TACR1: variants seen among roughly 807,000 people sequenced by gnomAD.
TACR1 encodes the protein substance-P receptor.
A neutral mutation model predicts 35.8 loss-of-function variants in TACR1; 25 were observed. The observed-to-expected ratio is 0.70, with a 90% CI of 0.51 to 0.98. The LOEUF (loss-of-function observed/expected upper bound fraction) is 0.98, where lower values mean the gene tolerates loss of function less well. Ranked by LOEUF, TACR1 falls within the 50% of genes least tolerant of loss-of-function variation. The pLI, the probability that TACR1 is intolerant of heterozygous loss-of-function variation, is 0.00. For synonymous variants in TACR1, 195 were observed against 206.7 expected (o/e 0.94, Z 0.48); for missense variants, 478 against 522.9 (o/e 0.91, Z 0.84).
At chr2:75,090,402 C>T (rs79040264) in intron 2 of TACR1, among the ~76,000 whole-genome samples, 2,011 of 152,284 alleles carry the variant, frequency 0.013, 49 homozygotes, top group African/African-American at 0.046. Context: ...AACATCAACA[C>T]GGACTTTAAA....
chr2:75,097,927 G>A (rs1382438884), intron 2 of TACR1, among the ~76,000 whole-genome samples: 2 of 152,112 alleles, frequency 1.3e-5, no homozygotes, highest in African/African-American at 4.8e-5. Context: ...AGCATTCTGT[G>A]GTGTCAATAC....
chr2:75,124,414 C>G (rs959367983), intron 1 of TACR1, among the ~76,000 whole-genome samples: 1 of 152,184 alleles, frequency 6.6e-6, no homozygotes, highest in Non-Finnish European at 1.5e-5. Context: ...TGGGGCCCTT[C>G]TTCCACAGTC....
chr2:75,165,479 T>A (rs888232522), intron 1 of TACR1, among the ~76,000 whole-genome samples: 1 of 152,088 alleles, frequency 6.6e-6, no homozygotes, highest in Non-Finnish European at 1.5e-5. Flanking sequence ...CAGCTAATTT[T>A]TTGTATTTTT....
chr2:75,058,998 C>T (rs1672621344), intron 2 of TACR1, among the ~76,000 whole-genome samples: 1 of 152,174 alleles, frequency 6.6e-6, no homozygotes, highest in Non-Finnish European at 1.5e-5. Flanking sequence ...AAGAAGGCAG[C>T]CAAGAGGGCA....
At chr2:75,052,305 C>T (rs1445632432) in intron 3 of TACR1, among the ~76,000 whole-genome samples, 1 of 152,314 alleles carries the variant, frequency 6.6e-6, no homozygotes, top group Non-Finnish European at 1.5e-5. Context: ...AACCAGGAAG[C>T]AGGCCCTCCT....
At chr2:75,071,402 G>T (rs1672875845) in intron 2 of TACR1, among the ~76,000 whole-genome samples, 1 of 152,212 alleles carries the variant, frequency 6.6e-6, no homozygotes, top group South Asian at 2.1e-4. Flanking sequence ...TCCATCTTGT[G>T]CTGCTGGGAG....
chr2:75,183,313 A>T (rs1675603770), intron 1 of TACR1, among the ~76,000 whole-genome samples: 3 of 152,282 alleles, frequency 2.0e-5, no homozygotes, highest in Admixed American at 2.0e-4. Flanking sequence ...ATGGGAAGGG[A>T]GGGCCTCGAA....
At chr2:75,088,480 C>G (rs1239099032) in intron 2 of TACR1, among the ~76,000 whole-genome samples, 1 of 152,172 alleles carries the variant, frequency 6.6e-6, no homozygotes, top group Admixed American at 6.5e-5. Flanking sequence ...GTGCTTACTA[C>G]TTGGTTTTAA....
chr2:75,119,872 C>T (rs539613579), intron 2 of TACR1, among the ~76,000 whole-genome samples: 1 of 152,260 alleles, frequency 6.6e-6, no homozygotes, highest in East Asian at 1.9e-4. Context: ...GGAGAAGAAA[C>T]ACCAGTAGGA....
intron 1 of TACR1, among the ~76,000 whole-genome samples, chr2:75,128,278 CCTT>C (rs1269455436): frequency 2.0e-5 from 3 of 152,188 alleles, no homozygotes; most frequent in African/African-American, 7.2e-5. Context: ...ACAGTGAACT[CCTT>C]AATGCTATTT....
chr2:75,168,342 G>A (rs1015989270), intron 1 of TACR1, among the ~76,000 whole-genome samples: 1 of 152,144 alleles, frequency 6.6e-6, no homozygotes, highest in South Asian at 2.1e-4. Context: ...TAAGGGCCTC[G>A]AGATAAGGAG....
chr2:75,193,026 T>C (rs186785840), intron 1 of TACR1, among the ~76,000 whole-genome samples: 1 of 152,120 alleles, frequency 6.6e-6, no homozygotes, highest in African/African-American at 2.4e-5. Context: ...CTCCTCTTCT[T>C]TCTCTTCATT....
chr2:75,053,876 A>G (rs1558537336), intron 2 of TACR1, 121 bp from the exon 3 acceptor site: 1 of 1,372,784 alleles, frequency 7.3e-7, no homozygotes, highest in Non-Finnish European at 1.0e-6. Flanking sequence ...TGCCATTAAT[A>G]AGCTTGGGCT....
intron 2 of TACR1, among the ~76,000 whole-genome samples, chr2:75,080,803 ATTG>A (rs762914559): frequency 6.6e-6 from 1 of 152,174 alleles, no homozygotes; most frequent in Non-Finnish European, 1.5e-5. Context: ...CCCAAATATT[ATTG>A]TTGTTGATGT....
At chr2:75,092,163 G>A (rs1673324906) in intron 2 of TACR1, among the ~76,000 whole-genome samples, 1 of 152,176 alleles carries the variant, frequency 6.6e-6, no homozygotes, top group Non-Finnish European at 1.5e-5. Context: ...ACGTAAGAGA[G>A]GGTTTATATC....
At chr2:75,194,416 GAATTT>G (rs1389291252) in intron 1 of TACR1, among the ~76,000 whole-genome samples, 1 of 152,188 alleles carries the variant, frequency 6.6e-6, no homozygotes, top group Non-Finnish European at 1.5e-5. Flanking sequence ...AAGGATCCTG[GAATTT>G]AATTCCCCCT....
chr2:75,102,894 G>A (rs1673566924), intron 2 of TACR1, among the ~76,000 whole-genome samples: 1 of 152,030 alleles, frequency 6.6e-6, no homozygotes, highest in African/African-American at 2.4e-5. Flanking sequence ...GTGATTATCA[G>A]TAAAATAAAA....
intron 2 of TACR1, among the ~76,000 whole-genome samples, chr2:75,099,616 G>A (rs1011828661): frequency 1.3e-5 from 2 of 152,186 alleles, no homozygotes; most frequent in Non-Finnish European, 2.9e-5. Context: ...CCCAGAGGCT[G>A]AACCCAGGGA....
At chr2:75,144,727 A>C (rs1674470530) in intron 1 of TACR1, among the ~76,000 whole-genome samples, 1 of 152,210 alleles carries the variant, frequency 6.6e-6, no homozygotes, top group Non-Finnish European at 1.5e-5. Flanking sequence ...CAGAAATATT[A>C]CTGTTAAACA....
Sources: allele counts gnomAD v4.1 joint callset (sites outside exome capture counted in the v4.1 genomes callset), GRCh38; gene constraint gnomAD v4.1.1; transcripts MANE v1.5; gene names NCBI Gene and HGNC (gene_info 2026-07-23, HGNC 2026-07-21).